Variants in DENND2A observed in about 807,000 individuals in gnomAD.
The protein encoded by DENND2A is DENN domain containing 2A.
DENND2A carries 53 observed loss-of-function variants against 105.3 expected under a neutral mutation model. The observed-to-expected ratio is 0.50, with a 90% CI of 0.40 to 0.63. The LOEUF (loss-of-function observed/expected upper bound fraction) is 0.63. Among genes scored for constraint, DENND2A ranks in the 30% least tolerant of loss-of-function variants. DENND2A has a pLI of 0.00. For missense variants in DENND2A, 1,138 were observed against 1,279.6 expected, an observed-to-expected ratio of 0.89 and a Z score of 1.69; for synonymous variants, 522 against 508.4, an observed-to-expected ratio of 1.03 and a Z score of -0.36.
chr7:140,581,812 T>A (rs1277056363), intron 5 of DENND2A, among the ~76,000 whole-genome samples: 1 of 152,210 alleles, frequency 6.6e-6, no homozygotes, highest in African/African-American at 2.4e-5. Context: ...TAAGTTCTTG[T>A]TGACATTCTC....
chr7:140,591,748 T>C (rs544182623), intron 3 of DENND2A, among the ~76,000 whole-genome samples: 2 of 150,278 alleles, frequency 1.3e-5, no homozygotes, highest in African/African-American at 2.5e-5. Context: ...TCTCTTTTCT[T>C]TCTCTTTCCC....
In DENND2A at chr7:140,587,633, C is replaced by T. The variant is rs879945253; in HGVS notation, c.1123+20G>A. The T allele has an allele frequency of 1.9e-6, 3 of 1,612,964 alleles. No homozygotes were observed. In the Admixed American group the frequency reaches 5.0e-5, roughly 27 times the overall value. On this transcript the variant is annotated intron_variant, in intron 4 of 19. Coordinates refer to ENST00000496613, the MANE Select transcript of DENND2A (RefSeq NM_015689.5). ...TCCCAGACAGACTCAGATCCGCACACAGACGCTGTGGCTTCTTACCTAGAA... is the reference window on the plus strand; with the variant it reads ...TCCCAGACAGACTCAGATCCGCACATAGACGCTGTGGCTTCTTACCTAGAA...
Position 140,521,996 on chromosome 7 carries a change from C to G in DENND2A, c.2770G>C (p.Glu924Gln). The change falls in exon 18 of 20, where the codon GAG becomes CAG. Residue 924 changes from glutamate to glutamine, a missense_variant. Glu to Gln is a conservative substitution (Grantham distance 29). Coordinates refer to ENST00000496613, the MANE Select transcript of DENND2A (RefSeq NM_015689.5). The part of the protein sequence containing the change: ...YSLFLTSGER[E>Q]ERTLQREAFR... ...GCCTCCCGCTGCAGGGTTCTCTCCT[C>G]ACGCTCGCCCGACGTCAGGAACAAA... 1 of 1,614,196 alleles carries G rather than the reference C, an allele frequency of 6.2e-7. No homozygotes were observed. Among genetic ancestry groups the G allele is most frequent in the Non-Finnish European group, 8.5e-7 (1 of 1,180,036 alleles).
At chr7:140,521,134 C>T (rs903565115) in intron 18 of DENND2A, among the ~76,000 whole-genome samples, 12 of 151,122 alleles carry the variant, frequency 7.9e-5, no homozygotes, top group African/African-American at 1.9e-4. Context: ...CCTTGGCCTC[C>T]GAAAGTGCTG....
rs200379562 is a variant in DENND2A at position 140,601,976 on chromosome 7, C to G, written c.422G>C (p.Arg141Pro). 1.2e-6 allele frequency: 2 copies of G among 1,614,208 alleles called. No homozygotes were observed. The highest frequency in any genetic ancestry group is 1.1e-5 in the South Asian group (1 of 91,086). Residue 141 changes from arginine (R) to proline (P), a missense_variant, in exon 3 of 20, where the codon CGA (arginine) becomes CCA (proline). Physicochemically the swap from Arg to Pro is moderately radical, Grantham distance 103 (BLOSUM62 -2). Transcript: ENST00000496613. ...CTTGCCAAGTCTTGGCTCTCGGCCT[C>G]GGCCCCAGCTAGGATCCACTTCCCG... ...PEREVDPSWGRGREPRLGKLR... is the reference protein window; with the variant it reads ...PEREVDPSWGPGREPRLGKLR...
intron 14 of DENND2A, among the ~76,000 whole-genome samples, chr7:140,539,897 C>T (rs955101132): frequency 1.3e-5 from 2 of 152,284 alleles, no homozygotes; most frequent in South Asian, 4.1e-4. Flanking sequence ...TATTGGGCAG[C>T]GGGGAGAGCA....
intron 1 of DENND2A, among the ~76,000 whole-genome samples, chr7:140,626,844 G>T (rs1447593048): frequency 6.6e-6 from 1 of 152,198 alleles, no homozygotes; most frequent in Non-Finnish European, 1.5e-5. Flanking sequence ...TCCTGCAGCT[G>T]CTCCCGGGTT....
chr7:140,591,874 C>T (rs530299874), intron 3 of DENND2A, among the ~76,000 whole-genome samples: 123 of 109,822 alleles, frequency 1.1e-3, no homozygotes, highest in Non-Finnish European at 1.6e-3. Context: ...CCCTTTCCTT[C>T]CTTCCTTCTT....
chr7:140,585,862 G>A, intron 4 of DENND2A, 152 bp from the exon 5 acceptor site: 5 of 1,095,606 alleles, frequency 4.6e-6, no homozygotes, highest in Non-Finnish European at 6.6e-6. Context: ...GTTGGCAGCA[G>A]TCTCTGATTT....
rs1585632570 is a variant in DENND2A, at chr7:140,559,980, C to T, written c.1780-163G>A. Among the ~76,000 whole-genome samples the T allele has an allele frequency of 6.6e-6, 1 of 152,024 alleles. No individual in the cohort carries two copies. Reference sequence around the variant, plus strand: ...GCAGCTCAGTCGGCTGGGGCATTTTCCCCCCAGTGCACTTCCAACTATAGA... The same window carrying T: ...GCAGCTCAGTCGGCTGGGGCATTTTTCCCCCAGTGCACTTCCAACTATAGA... On this transcript the variant is annotated intron_variant, in intron 9 of 19. Transcript: ENST00000496613. The surrounding 1 kb of genome is among the most constrained non-coding windows in gnomAD (Gnocchi z 4.1).
intron 9 of DENND2A, among the ~76,000 whole-genome samples, chr7:140,561,288 T>C (rs1338870545): frequency 6.6e-6 from 1 of 152,190 alleles, no homozygotes; most frequent in Non-Finnish European, 1.5e-5. Context: ...TACTTTTTCA[T>C]GTGAGGAGAA....
chr7:140,580,333 G>GCATGTATGTATT (rs1563155730), intron 5 of DENND2A, among the ~76,000 whole-genome samples: 12 of 152,298 alleles, frequency 7.9e-5, no homozygotes, highest in African/African-American at 2.6e-4. Flanking sequence ...ATGTATGTAT[G>GCATGTATGTATT]TATTTATTTA....
intron 5 of DENND2A, among the ~76,000 whole-genome samples, chr7:140,583,974 G>GCTCA (rs1798664252): frequency 6.8e-6 from 1 of 147,274 alleles, no homozygotes. Flanking sequence ...AGGTGCGGTG[G>GCTCA]CTCACGCCTG....
chr7:140,555,722 A>G lies in DENND2A; in HGVS notation c.1960-9T>C. 6.3e-7 allele frequency: 1 copy of G among 1,591,928 alleles called. No homozygotes were observed. On this transcript the variant is annotated splice_polypyrimidine_tract_variant and intron_variant, in intron 11 of 19. Coordinates refer to ENST00000496613, the MANE Select transcript of DENND2A (RefSeq NM_015689.5). ...TTCCCTTTGCCTCCAGGCTTTTCGG[A>G]GAGAAACACAAGGGAATTATGAGTG... is the stretch of plus-strand genomic sequence containing the variant.
At chr7:140,568,332 A>C (rs1327000750) in intron 8 of DENND2A, among the ~76,000 whole-genome samples, 1 of 152,226 alleles carries the variant, frequency 6.6e-6, no homozygotes, top group Admixed American at 6.5e-5. Context: ...TTTTAGACCC[A>C]TAGGGACCAA....
intron 3 of DENND2A, among the ~76,000 whole-genome samples, chr7:140,592,899 G>A (rs537905758): frequency 6.6e-6 from 1 of 152,160 alleles, no homozygotes; most frequent in South Asian, 2.1e-4. Context: ...CACCATGCCC[G>A]GACCACCTAG....
At chr7:140,571,451 C>T (rs759292825) in intron 6 of DENND2A, among the ~76,000 whole-genome samples, 11 of 152,080 alleles carry the variant, frequency 7.2e-5, no homozygotes, top group Admixed American at 1.3e-4. Flanking sequence ...CATGAGCCAC[C>T]GTGTTGGCTT....
Position 140,569,821 on chromosome 7 carries a change from A to G in DENND2A, c.1447-83T>C, listed in dbSNP as rs531557801. On this transcript the variant is annotated intron_variant, in intron 6 of 19. Coordinates refer to ENST00000496613, the MANE Select transcript of DENND2A (RefSeq NM_015689.5). ...GGGCTTCCCTCACTGCCCCTCTCCT[A>G]GGACGATGGAGGGCCAGGGCCAGGG... The G allele has an allele frequency of 2.0e-4, 186 of 921,442 alleles. 2 individuals carry two copies. The highest frequency in any genetic ancestry group is 1.9e-3 in the African/African-American group (117 of 61,960). 57.1% of individuals were successfully genotyped at this position (921,442 alleles called of 1,614,324 possible). A position where few individuals can be genotyped will look rare whatever the true frequency, so the allele number is the denominator to read the frequency against.
intron 9 of DENND2A, among the ~76,000 whole-genome samples, chr7:140,562,331 G>C (rs1052948896): frequency 1.3e-5 from 2 of 152,078 alleles, no homozygotes; most frequent in Non-Finnish European, 2.9e-5. Flanking sequence ...AGTATCCAAA[G>C]GCACAGAGCA....
Sources: gnomAD v4.1 joint callset for allele counts (sites outside exome capture counted in the v4.1 genomes callset) on GRCh38, gnomAD v4.1.1 for gene constraint, Gnocchi (gnomAD v3.1) non-coding constraint, MANE v1.5 for transcripts, NCBI Gene and HGNC (gene_info 2026-07-23, HGNC 2026-07-21) for gene names.